FMN1: variants seen among roughly 807,000 people sequenced by gnomAD.
FMN1 encodes the protein formin 1.
FMN1 carries 110 observed loss-of-function variants against 132.4 expected under a neutral mutation model. That is an observed-to-expected ratio of 0.83 (90% CI 0.71 to 0.97). The LOEUF is 0.97. Among genes scored for constraint, FMN1 ranks in the 50% least tolerant of loss-of-function variants. The pLI is 0.00. For synonymous variants in FMN1, 722 were observed against 651.7 expected, an observed-to-expected ratio of 1.11 and a Z score of -1.64; for missense variants, 1,792 against 1,705.3, an observed-to-expected ratio of 1.05 and a Z score of -0.90.
chr15:32,837,682 C>T (rs1448848609), intron 17 of FMN1, among the ~76,000 whole-genome samples: 2 of 152,202 alleles, frequency 1.3e-5, no homozygotes, highest in African/African-American at 2.4e-5. Flanking sequence ...ATATCTAATG[C>T]TCCTGAAAGG....
At chr15:33,161,048 G>A (rs1276904261) in intron 3 of FMN1, among the ~76,000 whole-genome samples, 1 of 152,186 alleles carries the variant, frequency 6.6e-6, no homozygotes, top group Non-Finnish European at 1.5e-5. Context: ...TCTGCTGACG[G>A]CAGACATCCT....
chr15:33,067,029 C>T, intron 5 of FMN1: 3 of 1,613,998 alleles, frequency 1.9e-6, no homozygotes, highest in Non-Finnish European at 2.5e-6. Flanking sequence ...GCGGTAGCCC[C>T]CTTCTTCAGC....
rs1380204316 is a variant in FMN1 at position 33,154,260 on chromosome 15, T to A, written c.655A>T (p.Asn219Tyr). The A allele has an allele frequency of 6.5e-7, 1 of 1,536,178 alleles. No homozygotes were observed. Among genetic ancestry groups the A allele is most frequent in the African/African-American group, 1.4e-5 (1 of 73,164 alleles). The change falls in exon 4 of 21, where the codon AAT (asparagine) becomes TAT (tyrosine). Residue 219 changes from asparagine (N) to tyrosine (Y), a missense_variant. Around this residue, in one of 3 missense-constraint regions of FMN1, gnomAD observed 638 missense variants for 645.2 expected, o/e 0.99. Coordinates refer to ENST00000616417, the MANE Select transcript of FMN1 (RefSeq NM_001277313.2). ...GCAAGTGCCCCATTCGGGAGCAGAT[T>A]TCCTTTCTCCTCTAGTACCCAAAGG... ...PNLWVLEEKG[N>Y]LLPNGALACS...
rs746381755 is a variant in FMN1, at chr15:32,969,284, T to C, written c.2417A>G (p.Gln806Arg). The C allele has an allele frequency of 2.2e-5, 36 of 1,613,878 alleles. No individual in the cohort carries two copies. The highest frequency in any genetic ancestry group is 3.1e-5 in the Non-Finnish European group (36 of 1,179,904). The change falls in exon 8 of 21, where the codon CAG becomes CGG. Residue 806 changes from glutamine (Q) to arginine (R), a missense_variant. Physicochemically the swap from Gln to Arg is conservative, Grantham distance 43. This residue lies in a region of FMN1 where 1,150 missense variants were observed against 1,043.1 expected (regional missense o/e 1.10). Coordinates refer to ENST00000616417, the MANE Select transcript of FMN1 (RefSeq NM_001277313.2). ...PPKTFRNVCVQTDRETFLKPC... is the reference protein window; with the variant it reads ...PPKTFRNVCVRTDRETFLKPC... ...CTTGAGGAAGGTCTCTCTGTCTGTCTGGACGCACACATTTCTGAAGGTCTT... is the reference window on the plus strand; with the variant it reads ...CTTGAGGAAGGTCTCTCTGTCTGTCCGGACGCACACATTTCTGAAGGTCTT...
chr15:32,787,577 A>G (rs2056921853), intron 19 of FMN1, among the ~76,000 whole-genome samples: 1 of 152,240 alleles, frequency 6.6e-6, no homozygotes, highest in African/African-American at 2.4e-5. Context: ...CCAGTTGGGC[A>G]TGGTGGCTCA....
chr15:33,031,484 C>T (rs897424960), intron 6 of FMN1, among the ~76,000 whole-genome samples: 3 of 152,180 alleles, frequency 2.0e-5, no homozygotes, highest in Non-Finnish European at 4.4e-5. Flanking sequence ...AGCACCAATT[C>T]ATCCCCACCC....
At chr15:33,170,157 A>G (rs1372097651) in intron 3 of FMN1, among the ~76,000 whole-genome samples, 1 of 152,198 alleles carries the variant, frequency 6.6e-6, no homozygotes, top group African/African-American at 2.4e-5. Context: ...CCAAGAACAT[A>G]CATCAGGGAA....
intron 6 of FMN1, among the ~76,000 whole-genome samples, chr15:33,041,799 T>C (rs920272501): frequency 2.6e-5 from 4 of 152,178 alleles, no homozygotes; most frequent in South Asian, 4.1e-4. Flanking sequence ...AGTTGTTTAA[T>C]GCACATAGTG....
chr15:32,946,341 C>A (rs1392710960), intron 9 of FMN1, among the ~76,000 whole-genome samples: 1 of 152,090 alleles, frequency 6.6e-6, no homozygotes, highest in Non-Finnish European at 1.5e-5. Context: ...GCGTCTACAC[C>A]CATCTTGACT....
In FMN1 at chr15:32,770,750, T is replaced by A. The variant is rs988265602; in HGVS notation, c.*3560A>T. On this transcript the variant is annotated 3_prime_UTR_variant, in exon 21 of 21. Coordinates refer to ENST00000616417, the MANE Select transcript of FMN1 (RefSeq NM_001277313.2). ...CATCTGATATTCAATTCCTCAACCATACTGGCAATTTGTTTTGGCTAGAAC... is the reference window on the plus strand; with the variant it reads ...CATCTGATATTCAATTCCTCAACCAAACTGGCAATTTGTTTTGGCTAGAAC... 1 of 152,158 alleles carries A rather than the reference T, an allele frequency of 6.6e-6. No homozygotes were observed. Among genetic ancestry groups the A allele is most frequent in the Non-Finnish European group, 1.5e-5 (1 of 68,038 alleles). 9.4% of individuals were successfully genotyped at this position (152,158 alleles called of 1,614,324 possible).
chr15:33,001,715 TCC>T (rs2034129497), intron 7 of FMN1, among the ~76,000 whole-genome samples: 1 of 76,282 alleles, frequency 1.3e-5, no homozygotes, highest in Non-Finnish European at 2.5e-5. Flanking sequence ...TTCCCCCTCC[TCC>T]TCCTCCTCCT....
intron 4 of FMN1, among the ~76,000 whole-genome samples, chr15:33,120,951 G>A (rs887409855): frequency 5.3e-5 from 8 of 152,092 alleles, no homozygotes; most frequent in African/African-American, 1.7e-4. Context: ...CATCTTGGAT[G>A]CAAAGTAAAT....
At chr15:33,095,927 T>A (rs539193622) in intron 4 of FMN1, among the ~76,000 whole-genome samples, 8 of 150,910 alleles carry the variant, frequency 5.3e-5, no homozygotes, top group East Asian at 3.9e-4. Flanking sequence ...ATGATTTTTT[T>A]AAAAACTTCC....
intron 2 of FMN1, among the ~76,000 whole-genome samples, chr15:33,191,865 T>C (rs1191275687): frequency 2.6e-5 from 4 of 152,240 alleles, no homozygotes; most frequent in Non-Finnish European, 2.9e-5. Flanking sequence ...TTAGCGTCTC[T>C]GCAAGATCAG....
chr15:33,103,318 A>C (rs1256387707), intron 4 of FMN1, among the ~76,000 whole-genome samples: 6 of 152,004 alleles, frequency 3.9e-5, no homozygotes, highest in Admixed American at 1.3e-4. Context: ...TAACCTCTCT[A>C]TGTCCCAGTC....
chr15:33,133,135 C>G (rs1235594126), intron 4 of FMN1, among the ~76,000 whole-genome samples: 1 of 152,160 alleles, frequency 6.6e-6, no homozygotes, highest in Non-Finnish European at 1.5e-5. Flanking sequence ...GTGTGTCCCT[C>G]AACAGTTAAC....
chr15:32,965,453 CTTA>C (rs899812585), intron 8 of FMN1, among the ~76,000 whole-genome samples: 18 of 152,230 alleles, frequency 1.2e-4, no homozygotes, highest in African/African-American at 4.1e-4. Flanking sequence ...CATCTATATA[CTTA>C]TTGTTTATCA....
At chr15:33,063,653 G>A (rs989903284) in intron 6 of FMN1, 1 of 152,116 alleles carries the variant, frequency 6.6e-6, no homozygotes, top group Non-Finnish European at 1.5e-5. Flanking sequence ...AGTTAAGTGC[G>A]TTTGGACTAA....
chr15:33,190,789 G>T (rs1295281628), intron 2 of FMN1, among the ~76,000 whole-genome samples: 1 of 152,108 alleles, frequency 6.6e-6, no homozygotes, highest in Non-Finnish European at 1.5e-5. Flanking sequence ...CACTTTTACA[G>T]CCTTGTCTAT....
Sources: allele counts gnomAD v4.1 joint callset (sites outside exome capture counted in the v4.1 genomes callset), GRCh38; gene constraint gnomAD v4.1.1; regional missense constraint gnomAD v4.1.1; transcripts MANE v1.5; gene names NCBI Gene and HGNC (gene_info 2026-07-23, HGNC 2026-07-21).